CTCF: variants seen among roughly 807,000 people sequenced by gnomAD.
CTCF encodes CCCTC-binding factor.
CTCF carries 7 observed loss-of-function variants against 72.3 expected under a neutral mutation model. That is an observed-to-expected ratio of 0.10 (90% CI 0.06 to 0.18). CTCF has a LOEUF of 0.18. Among genes scored for constraint, CTCF ranks in the 10% least tolerant of loss-of-function variants. The pLI, the probability that CTCF is intolerant of heterozygous loss-of-function variation, is 1.00. For missense variants in CTCF, 516 were observed against 949.1 expected, an observed-to-expected ratio of 0.54 and a Z score of 6.00; for synonymous variants, 374 against 315.8, an observed-to-expected ratio of 1.18 and a Z score of -1.95.
intron 9 of CTCF, among the ~76,000 whole-genome samples, chr16:67,628,914 G>C (rs1203082257): frequency 6.6e-6 from 1 of 152,098 alleles, no homozygotes; most frequent in African/African-American, 2.4e-5. Flanking sequence ...CAAAAAATTA[G>C]CTGGGTGCGG....
rs1014175496 is a variant in CTCF at position 67,638,705 on chromosome 16, G to A, written c.*833G>A. On this transcript the variant is annotated 3_prime_UTR_variant, in exon 12 of 12. Coordinates refer to ENST00000264010, the MANE Select transcript of CTCF (RefSeq NM_006565.4). Reference sequence around the variant, plus strand: ...TAACTTTCAGTTATGATTTCCCATCGACATTTTCTTTGCCCTGTTTGTAGC... The same window carrying A: ...TAACTTTCAGTTATGATTTCCCATCAACATTTTCTTTGCCCTGTTTGTAGC... The A allele has an allele frequency of 4.8e-5, 11 of 227,760 alleles. No homozygotes were observed. The highest frequency in any genetic ancestry group is 1.8e-4 in the African/African-American group (8 of 45,082). The allele number at this position is 227,760 out of a possible 1,614,324, so 14.1% of individuals were successfully genotyped here. A position where few individuals can be genotyped will look rare whatever the true frequency, so the allele number is the denominator to read the frequency against.
intron 2 of CTCF, among the ~76,000 whole-genome samples, chr16:67,577,771 G>A (rs1014095095): frequency 4.6e-5 from 7 of 152,180 alleles, no homozygotes; most frequent in Admixed American, 6.6e-5. Flanking sequence ...GAGTGGAATC[G>A]AGAGGGCCAC....
intron 2 of CTCF, among the ~76,000 whole-genome samples, chr16:67,581,710 C>G (rs1173842697): frequency 6.6e-6 from 1 of 151,928 alleles, no homozygotes; most frequent in Non-Finnish European, 1.5e-5. Context: ...ATCACGTTGG[C>G]CAGGCTGGTC....
intron 1 of CTCF, among the ~76,000 whole-genome samples, chr16:67,570,069 A>G (rs1016079725): frequency 6.7e-6 from 1 of 150,344 alleles, no homozygotes; most frequent in East Asian, 2.0e-4. Flanking sequence ...TGCAGCCATA[A>G]GAATTAATTT....
At chr16:67,568,820 A>T (rs1184476017) in intron 1 of CTCF, among the ~76,000 whole-genome samples, 1 of 149,606 alleles carries the variant, frequency 6.7e-6, no homozygotes, top group East Asian at 2.0e-4. Flanking sequence ...GAGCCATCAC[A>T]CCTGGCTATA....
chr16:67,615,745 G>A (rs1190095251), intron 4 of CTCF: 2 of 152,178 alleles, frequency 1.3e-5, no homozygotes, highest in African/African-American at 2.4e-5. Flanking sequence ...ATCCATAGTG[G>A]TTCTAAAGAA....
At chr16:67,633,508 T>C in intron 10 of CTCF, among the ~76,000 whole-genome samples, 1 of 152,182 alleles carries the variant, frequency 6.6e-6, no homozygotes, top group East Asian at 1.9e-4. Context: ...TTGGGTCTAG[T>C]ACAGCTGGGA....
At chr16:67,577,185 G>A (rs1279137960) in intron 2 of CTCF, among the ~76,000 whole-genome samples, 3 of 151,728 alleles carry the variant, frequency 2.0e-5, no homozygotes, top group East Asian at 2.0e-4. Flanking sequence ...TCGGGAGGCC[G>A]AGGTGGGCGG....
intron 5 of CTCF, among the ~76,000 whole-genome samples, chr16:67,619,109 T>C (rs1452192593): frequency 6.6e-6 from 1 of 152,214 alleles, no homozygotes; most frequent in South Asian, 2.1e-4. Context: ...AGGATAGTTA[T>C]CGACTTATGT....
At chr16:67,590,103 AC>A (rs2051719729) in intron 2 of CTCF, among the ~76,000 whole-genome samples, 1 of 151,760 alleles carries the variant, frequency 6.6e-6, no homozygotes, top group South Asian at 2.1e-4. Flanking sequence ...AAGAAAAAGA[AC>A]AGTTAGAACT....
chr16:67,605,046 C>A (rs1224290672), intron 2 of CTCF, among the ~76,000 whole-genome samples: 1 of 138,694 alleles, frequency 7.2e-6, no homozygotes, highest in Non-Finnish European at 1.5e-5. Flanking sequence ...AATCTCGGCT[C>A]ATGGCAAGCT....
chr16:67,622,477 G>A (rs1458118695), intron 7 of CTCF, among the ~76,000 whole-genome samples: 2 of 151,896 alleles, frequency 1.3e-5, no homozygotes, highest in East Asian at 1.9e-4. Context: ...ACAACTTGTA[G>A]TACCGTAAAT....
At chr16:67,591,860 C>T (rs185031967) in intron 2 of CTCF, among the ~76,000 whole-genome samples, 130 of 152,074 alleles carry the variant, frequency 8.5e-4, no homozygotes, top group African/African-American at 3.1e-3. Flanking sequence ...AGATGGATGC[C>T]ATCATACCTA....
At position 67,637,897 on chromosome 16, in the gene CTCF, G is replaced by A; in HGVS notation, c.*25G>A. 6.3e-7 allele frequency: 1 copy of A among 1,584,412 alleles called. No homozygotes were observed. Among genetic ancestry groups the A allele is most frequent in the Non-Finnish European group, 8.6e-7 (1 of 1,162,902 alleles). Reference sequence around the variant, plus strand: ...ATGGCGGAGCCTTGTGCGTCGCCAGGACTTCTCTGGGCTGTGTTTAAACGG... The same window carrying A: ...ATGGCGGAGCCTTGTGCGTCGCCAGAACTTCTCTGGGCTGTGTTTAAACGG... On this transcript the variant is annotated 3_prime_UTR_variant, in exon 12 of 12. Transcript: ENST00000264010.
intron 10 of CTCF, among the ~76,000 whole-genome samples, chr16:67,632,159 G>A (rs568563317): frequency 1.3e-5 from 2 of 151,686 alleles, no homozygotes; most frequent in Admixed American, 6.6e-5. Context: ...GATATTACCA[G>A]TGATCAGATA....
intron 2 of CTCF, among the ~76,000 whole-genome samples, chr16:67,576,140 TAA>T (rs561098313): frequency 2.8e-4 from 26 of 91,902 alleles, no homozygotes; most frequent in Admixed American, 1.6e-3. Context: ...GACCCTGTCT[TAA>T]AAAAAAAAAA....
chr16:67,610,113 T>G (rs560752865), intron 2 of CTCF, among the ~76,000 whole-genome samples: 1 of 152,310 alleles, frequency 6.6e-6, no homozygotes, highest in East Asian at 1.9e-4. Flanking sequence ...CTACTGGTTC[T>G]CCCTCCAATC....
At chr16:67,603,221 A>T (rs1195020287) in intron 2 of CTCF, among the ~76,000 whole-genome samples, 2 of 151,944 alleles carry the variant, frequency 1.3e-5, no homozygotes, top group Admixed American at 6.6e-5. Flanking sequence ...CCTCTACAAA[A>T]AAAAAATTAC....
intron 2 of CTCF, among the ~76,000 whole-genome samples, chr16:67,590,173 G>C (rs2051721408): frequency 6.6e-6 from 1 of 151,336 alleles, no homozygotes; most frequent in Non-Finnish European, 1.5e-5. Context: ...CCACCTTTTG[G>C]CGAAAGAATT....
Sources: allele counts gnomAD v4.1 joint callset (sites outside exome capture counted in the v4.1 genomes callset), GRCh38; gene constraint gnomAD v4.1.1; transcripts MANE v1.5; gene names NCBI Gene and HGNC (gene_info 2026-07-23, HGNC 2026-07-21).